The following C2orf78 variants were observed in gnomAD, a reference collection of about 807,000 sequenced individuals.
C2orf78 encodes chromosome 2 open reading frame 78, also known as uncharacterized protein C2orf78.
C2orf78 carries 12 observed loss-of-function variants against 21.4 expected under a neutral mutation model. The observed-to-expected ratio is 0.56, with a 90% CI of 0.36 to 0.91. C2orf78 has a LOEUF of 0.91. Ranked by LOEUF, C2orf78 falls within the 40% of genes least tolerant of loss-of-function variation. The pLI is 0.01. For synonymous variants in C2orf78, 396 were observed against 413.9 expected (o/e 0.96, Z 0.52); for missense variants, 1,042 against 1,092.4 (o/e 0.95, Z 0.65).
At chr2:73,813,280 A>C (rs1419035322) in intron 1 of C2orf78, among the ~76,000 whole-genome samples, 197 bp from the exon 2 acceptor site, 1 of 152,232 alleles carries the variant, frequency 6.6e-6, no homozygotes, top group African/African-American at 2.4e-5. Context: ...AGTTGGACAC[A>C]AAGACAGTTC....
chr2:73,786,128 A>G (rs1672926713), intron 1 of C2orf78, among the ~76,000 whole-genome samples: 1 of 151,964 alleles, frequency 6.6e-6, no homozygotes, highest in South Asian at 2.1e-4. Flanking sequence ...ACCTGTAATC[A>G]CAGCACTTTG....
At chr2:73,786,004 C>T (rs1672920640) in intron 1 of C2orf78, among the ~76,000 whole-genome samples, 1 of 151,836 alleles carries the variant, frequency 6.6e-6, no homozygotes, top group African/African-American at 2.4e-5. Context: ...CAAGATCGCG[C>T]CATTGCACTC....
Position 73,807,050 on chromosome 2 carries a change from G to A in C2orf78, c.98-6427G>A, listed in dbSNP as rs537400776. 3.7e-4 allele frequency among the ~76,000 whole-genome samples: 54 copies of A among 144,280 alleles called. 6 individuals carry two copies. Among genetic ancestry groups the A allele is most frequent in the African/African-American group, 1.2e-3 (45 of 36,244 alleles). The allele number at this position is 144,280 out of a possible 152,430, so 94.7% of individuals were successfully genotyped here. The stretch of plus-strand genomic sequence containing the variant: ...CAAAAAATTAGCCGGGCATGGTGGC[G>A]AGTACCTGTAATCCCAGCTACTCGG... On this transcript the variant is annotated intron_variant, in intron 1 of 2. Transcript: ENST00000409561.
chr2:73,809,803 C>CAAAAAAG (rs1673037985), intron 1 of C2orf78, among the ~76,000 whole-genome samples: 1 of 151,966 alleles, frequency 6.6e-6, no homozygotes, highest in South Asian at 2.1e-4. Context: ...AATAAACAAA[C>CAAAAAAG]AAAAGTAATA....
chr2:73,809,791 C>T (rs1673037189), intron 1 of C2orf78, among the ~76,000 whole-genome samples: 1 of 151,978 alleles, frequency 6.6e-6, no homozygotes, highest in Non-Finnish European at 1.5e-5. Flanking sequence ...CACAAAGAAA[C>T]AAATAAACAA....
At chr2:73,809,622 C>A (rs1382729216) in intron 1 of C2orf78, among the ~76,000 whole-genome samples, 2 of 151,960 alleles carry the variant, frequency 1.3e-5, no homozygotes, top group African/African-American at 4.8e-5. Context: ...CCCATCTCTA[C>A]AAAAACTTTT....
At position 73,814,238 on chromosome 2, in the gene C2orf78, C is replaced by T. The variant is rs1286488591; in HGVS notation, c.847+12C>T. ...AACCAGTGTTCAAGGTGAGTACAAA[C>T]ATCAAGAAAGGAGAGGAATAATGTC... is the stretch of plus-strand genomic sequence containing the variant. On this transcript the variant is annotated intron_variant, in intron 2 of 2. Transcript: ENST00000409561. 1 of 1,546,164 alleles carries T rather than the reference C, an allele frequency of 6.5e-7. No homozygotes were observed. The highest frequency in any genetic ancestry group is 1.4e-5 in the African/African-American group (1 of 73,138).
exon 3 of C2orf78, chr2:73,815,791 C>G: frequency 6.2e-7 from 1 of 1,613,788 alleles, no homozygotes; most frequent in Non-Finnish European, 8.5e-7. Context: ...CCAAAGAACC[C>G]AGAGTGCCTA....
chr2:73,786,277 G>A (rs764934587), intron 1 of C2orf78, among the ~76,000 whole-genome samples: 1 of 151,596 alleles, frequency 6.6e-6, no homozygotes, highest in Non-Finnish European at 1.5e-5. Context: ...TACTTGGGAG[G>A]CTCAGGCATC....
chr2:73,786,233 A>G (rs1672930872), intron 1 of C2orf78, among the ~76,000 whole-genome samples: 1 of 151,734 alleles, frequency 6.6e-6, no homozygotes, highest in Non-Finnish European at 1.5e-5. Context: ...TATAAGAATT[A>G]GCTGGGTGTG....
chr2:73,810,522 T>G (rs187736713), intron 1 of C2orf78, among the ~76,000 whole-genome samples: 2,157 of 127,162 alleles, frequency 0.017, 70 homozygotes, highest in African/African-American at 0.057. Flanking sequence ...AGCGAAACTC[T>G]GTCTCAAAAA....
Position 73,816,123 on chromosome 2 carries a change from G to A in C2orf78, c.1900G>A (p.Val634Met), listed in dbSNP as rs764333973. 7 of 1,613,770 alleles carry A rather than the reference G, an allele frequency of 4.3e-6. No homozygotes were observed. In the African/African-American group the frequency reaches 8.0e-5, roughly 18 times the overall value. Reference sequence around the variant, plus strand: ...CCTAGGCATGCACATGCTAGAGTCCGTGCAAGTTTTCCATGCACTCGGGAA... The same window carrying A: ...CCTAGGCATGCACATGCTAGAGTCCATGCAAGTTTTCCATGCACTCGGGAA... Residue 634 changes from valine (V) to methionine (M), a missense_variant, in exon 3 of 3, where the codon GTG becomes ATG. Physicochemically the swap from Val to Met is conservative, Grantham distance 21. Coordinates refer to ENST00000409561, the Ensembl canonical transcript of C2orf78.
exon 3 of C2orf78, chr2:73,816,174 T>G: frequency 1.2e-6 from 2 of 1,613,880 alleles, no homozygotes; most frequent in Non-Finnish European, 1.7e-6. Context: ...AACTGGATTC[T>G]CTTCCTCCAG....
At chr2:73,813,020 T>C (rs1673119566) in intron 1 of C2orf78, among the ~76,000 whole-genome samples, 1 of 152,240 alleles carries the variant, frequency 6.6e-6, no homozygotes, top group Non-Finnish European at 1.5e-5. Context: ...AGTCAGGTTC[T>C]GTAACCTGGT....
exon 1 of C2orf78, chr2:73,784,248 T>C (rs902710250): frequency 2.0e-6 from 3 of 1,512,418 alleles, no homozygotes; most frequent in African/African-American, 2.8e-5. Context: ...GCCTGTAAAT[T>C]TGTATCATCA....
At chr2:73,816,317 T>C (rs759486440) in exon 3 of C2orf78, 3 of 1,613,746 alleles carry the variant, frequency 1.9e-6, no homozygotes, top group Non-Finnish European at 2.5e-6. Flanking sequence ...ATGGTAGTGC[T>C]GAAAAAGAGT....
At chr2:73,814,983 T>C in intron 2 of C2orf78, 88 bp from the exon 3 acceptor site, 1 of 1,311,570 alleles carries the variant, frequency 7.6e-7, no homozygotes, top group Non-Finnish European at 1.1e-6. Context: ...GCCTTGCCCA[T>C]GTTGGAAAGG....
rs772674298 is a variant in C2orf78, at chr2:73,813,990, C to T, written c.611C>T (p.Pro204Leu). ...CAGCAGGGCCATAACCTGTCACTTC[C>T]CTGCCAGATAGGAAGCCAGGTCTAT... Residue 204 changes from proline to leucine, a missense_variant, in exon 2 of 3, where the codon CCC (proline) becomes CTC (leucine). Pro to Leu is a moderately conservative substitution (Grantham distance 98). Around this residue, in one of 2 missense-constraint regions of C2orf78, gnomAD observed 1,039 missense variants for 1,069.7 expected, o/e 0.97. Coordinates refer to ENST00000409561, the Ensembl canonical transcript of C2orf78. 4.3e-6 allele frequency: 7 copies of T among 1,614,052 alleles called. No homozygotes were observed. The African/African-American group carries it at 8.0e-5, about 18-fold the overall frequency.
exon 2 of C2orf78, chr2:73,813,957 T>C: frequency 6.2e-7 from 1 of 1,614,046 alleles, no homozygotes; most frequent in East Asian, 2.2e-5. Flanking sequence ...CTAACTCAAA[T>C]TCCAAATCAG....
Sources: allele counts gnomAD v4.1 joint callset (sites outside exome capture counted in the v4.1 genomes callset), GRCh38; gene constraint gnomAD v4.1.1; regional missense constraint gnomAD v4.1.1; transcripts MANE v1.5; gene names NCBI Gene and HGNC (gene_info 2026-07-23, HGNC 2026-07-21).